Variants in VPS13D observed in about 807,000 individuals in gnomAD.
VPS13D encodes the protein intermembrane lipid transfer protein VPS13D.
VPS13D carries 187 observed loss-of-function variants against 461.9 expected under a neutral mutation model. The observed-to-expected ratio is 0.40, with a 90% CI of 0.36 to 0.46. VPS13D has a LOEUF of 0.46. Ranked by LOEUF, VPS13D falls within the 20% of genes least tolerant of loss-of-function variation. The pLI is 0.60. For missense variants in VPS13D, 4,711 were observed against 5,364.9 expected, an observed-to-expected ratio of 0.88 and a Z score of 3.81; for synonymous variants, 1,951 against 1,986.3, an observed-to-expected ratio of 0.98 and a Z score of 0.47.
At chr1:12,398,941 G>A (rs1047720047) in intron 60 of VPS13D, among the ~76,000 whole-genome samples, 1 of 152,150 alleles carries the variant, frequency 6.6e-6, no homozygotes, top group Non-Finnish European at 1.5e-5. Context: ...CCAGCAGTGT[G>A]ACCTGAAGCA....
In VPS13D at chr1:12,327,785, A is replaced by T. The variant is rs1306256710; in HGVS notation, c.8128A>T (p.Ser2710Cys). Residue 2710 changes from serine (S) to cysteine (C), a missense_variant, in exon 36 of 70, where the codon AGT becomes TGT. Ser to Cys is a moderately radical substitution (Grantham distance 112). Transcript: ENST00000620676. ...LISGVEIKAE[S>C]VCICFIDDCM... ...CTCTGGCGTGGAGATCAAAGCTGAG[A>T]GTGTGTGCATCTGTTTCATCGATGA... The T allele has an allele frequency of 8.1e-6, 13 of 1,613,816 alleles. No homozygotes were observed. The highest frequency in any genetic ancestry group is 1.0e-5 in the Non-Finnish European group (12 of 1,180,006).
At chr1:12,415,374 C>A (rs1644781056) in intron 64 of VPS13D, among the ~76,000 whole-genome samples, 153 bp downstream of exon 64, 2 of 152,092 alleles carry the variant, frequency 1.3e-5, no homozygotes, top group South Asian at 4.2e-4. Context: ...CCCAAGAAGC[C>A]CGTATGTGTC....
At chr1:12,414,528 A>G (rs1644770952) in intron 63 of VPS13D, among the ~76,000 whole-genome samples, 1 of 152,168 alleles carries the variant, frequency 6.6e-6, no homozygotes, top group African/African-American at 2.4e-5. Context: ...GTGCATACTG[A>G]TGATTCCATT....
At chr1:12,437,296 A>AAAC (rs1180670178) in intron 65 of VPS13D, among the ~76,000 whole-genome samples, 1 of 152,118 alleles carries the variant, frequency 6.6e-6, no homozygotes, top group African/African-American at 2.4e-5. Flanking sequence ...AGCCCAGAGG[A>AAAC]AACAAACTAA....
intron 67 of VPS13D, among the ~76,000 whole-genome samples, chr1:12,477,346 A>G (rs1645646029): frequency 6.6e-6 from 1 of 152,150 alleles, no homozygotes; most frequent in Non-Finnish European, 1.5e-5. Flanking sequence ...CAGACTTCCA[A>G]AATTCAACCC....
At chr1:12,444,948 C>T (rs1645175013) in intron 65 of VPS13D, among the ~76,000 whole-genome samples, 1 of 152,220 alleles carries the variant, frequency 6.6e-6, no homozygotes, top group Admixed American at 6.5e-5. Context: ...ATGCATACCT[C>T]CCCTGCATTT....
intron 50 of VPS13D, 61 bp downstream of exon 50, chr1:12,358,662 A>T (rs528273701): frequency 6.1e-4 from 973 of 1,586,206 alleles, no homozygotes; most frequent in South Asian, 1.4e-3. Flanking sequence ...TCAGGCTTGG[A>T]GGAATGACCT....
intron 23 of VPS13D, among the ~76,000 whole-genome samples, chr1:12,292,851 AGAATG>A (rs1195449744): frequency 3.9e-5 from 6 of 152,102 alleles, no homozygotes; most frequent in Non-Finnish European, 7.4e-5. Context: ...TACCCTGCTG[AGAATG>A]GATTTGTTTG....
At chr1:12,305,211 C>G (rs1177796930) in intron 26 of VPS13D, among the ~76,000 whole-genome samples, 1 of 152,198 alleles carries the variant, frequency 6.6e-6, no homozygotes, top group East Asian at 1.9e-4. Context: ...GTGTTCTTCT[C>G]TCCAATATAA....
Position 12,386,255 on chromosome 1 carries a change from C to G in VPS13D, c.11555C>G (p.Ala3852Gly). 5 of 1,613,660 alleles carry G rather than the reference C, an allele frequency of 3.1e-6. No individual in the cohort carries two copies. Among genetic ancestry groups the G allele is most frequent in the Non-Finnish European group, 4.2e-6 (5 of 1,179,808 alleles). The change falls in exon 60 of 70, where the codon GCA becomes GGA. Residue 3852 changes from alanine (A) to glycine (G), a missense_variant. By Grantham distance (60) the Ala-to-Gly change is moderately conservative. Around this residue, in one of 3 missense-constraint regions of VPS13D, gnomAD observed 4,411 missense variants for 4,937.8 expected, o/e 0.89. Coordinates refer to ENST00000620676, the MANE Select transcript of VPS13D (RefSeq NM_015378.4). ...INKVPEELVF[A>G]SLTGINVHYT... ...AAAGTCCCAGAAGAACTGGTCTTTG[C>G]AAGTCTTACAGGAATCAATGTGCAC...
chr1:12,361,418 C>T (rs1237232285), intron 50 of VPS13D, among the ~76,000 whole-genome samples: 65 of 124,796 alleles, frequency 5.2e-4, no homozygotes, highest in African/African-American at 6.0e-4. Flanking sequence ...TTTTTTGAGA[C>T]GGAGTCTCGC....
intron 65 of VPS13D, among the ~76,000 whole-genome samples, chr1:12,450,212 C>T (rs1336403884): frequency 3.3e-5 from 5 of 152,154 alleles, no homozygotes; most frequent in African/African-American, 9.7e-5. Flanking sequence ...CCTCTTCCAC[C>T]AGCATGCGTG....
chr1:12,333,208 T>C lies in VPS13D; in HGVS notation c.8288-18T>C, dbSNP rs142181056. The C allele has an allele frequency of 2.5e-6, 4 of 1,612,246 alleles. No individual in the cohort carries two copies. The highest frequency in any genetic ancestry group is 1.7e-5 in the Admixed American group (1 of 59,572). On this transcript the variant is annotated intron_variant, in intron 37 of 69. Coordinates refer to ENST00000620676, the MANE Select transcript of VPS13D (RefSeq NM_015378.4). The stretch of plus-strand genomic sequence containing the variant: ...TGATATCTGCTGAACAGATGTCTTA[T>C]TTCCTGTGTTCTTTTAGGCTGGGAG...
Position 12,404,036 on chromosome 1 carries a change from T to C in VPS13D, c.12030+63T>C. On this transcript the variant is annotated intron_variant, in intron 63 of 69. Coordinates refer to ENST00000620676, the MANE Select transcript of VPS13D (RefSeq NM_015378.4). ...TTCCTTGGAAAAGAATGAGTGTGTT[T>C]ACTATTTGTTGTTTGTTGTTGTGTG... 4 of 1,486,086 alleles carry C rather than the reference T, an allele frequency of 2.7e-6. No homozygotes were observed. In the Admixed American group the frequency reaches 8.9e-5, roughly 33 times the overall value. The allele number at this position is 1,486,086 out of a possible 1,614,324, so 92.1% of individuals were successfully genotyped here.
At chr1:12,332,633 G>T (rs909569325) in intron 37 of VPS13D, among the ~76,000 whole-genome samples, 1 of 152,170 alleles carries the variant, frequency 6.6e-6, no homozygotes, top group Non-Finnish European at 1.5e-5. Context: ...GGAGAGGGTT[G>T]GTGGGAAGGA....
chr1:12,430,571 A>G (rs1644978812), intron 65 of VPS13D, among the ~76,000 whole-genome samples: 1 of 152,242 alleles, frequency 6.6e-6, no homozygotes, highest in South Asian at 2.1e-4. Context: ...TACACAGGTT[A>G]AATGGTTTTG....
At chr1:12,297,984 G>GT (rs1487385029) in intron 24 of VPS13D, among the ~76,000 whole-genome samples, 3 of 152,304 alleles carry the variant, frequency 2.0e-5, no homozygotes, top group African/African-American at 7.2e-5. Flanking sequence ...TGTTCAAGAT[G>GT]TAAGTGCTAG....
intron 65 of VPS13D, among the ~76,000 whole-genome samples, chr1:12,418,184 A>C (rs963473130): frequency 6.6e-6 from 1 of 152,210 alleles, no homozygotes; most frequent in African/African-American, 2.4e-5. Flanking sequence ...CTGGGATTAC[A>C]GGTGTGAGCC....
At chr1:12,496,572 G>T (rs1026413547) in intron 67 of VPS13D, among the ~76,000 whole-genome samples, 1 of 152,198 alleles carries the variant, frequency 6.6e-6, no homozygotes. Flanking sequence ...TTTTGCTTCA[G>T]TGAGCTCCAG....
Sources: gnomAD v4.1 joint callset for allele counts (sites outside exome capture counted in the v4.1 genomes callset) on GRCh38, gnomAD v4.1.1 for gene constraint, gnomAD v4.1.1 regional missense constraint, MANE v1.5 for transcripts, NCBI Gene and HGNC (gene_info 2026-07-23, HGNC 2026-07-21) for gene names.